Variants in PLEKHA8 observed in about 807,000 individuals in gnomAD.
The protein encoded by PLEKHA8 is pleckstrin homology domain-containing family A member 8.
In PLEKHA8, 36 loss-of-function variants were observed where a neutral mutation model predicts 68.2. That is an observed-to-expected ratio of 0.53 (90% confidence interval 0.40 to 0.70). The LOEUF is 0.70. PLEKHA8 is among the 30% of genes least tolerant of loss of function. The pLI, the probability that PLEKHA8 is intolerant of heterozygous loss-of-function variation, is 0.00. For missense variants in PLEKHA8, 505 were observed against 615.4 expected (o/e 0.82, Z 1.90); for synonymous variants, 211 against 216.1 (o/e 0.98, Z 0.20).
In PLEKHA8 at chr7:30,062,754, TTA is replaced by T. The variant is rs1793542631; in HGVS notation, c.1300+14_1300+15del. Reference sequence around the variant, plus strand: ...CCAGACAGCCCTAAGTAAGTGTTCTTTATGTTTTGTTGAATGAGTCAATAGAC... The same window carrying T: ...CCAGACAGCCCTAAGTAAGTGTTCTTTGTTTTGTTGAATGAGTCAATAGAC... On this transcript the variant is annotated intron_variant, in intron 12 of 13. Coordinates refer to ENST00000449726, the MANE Select transcript of PLEKHA8 (RefSeq NM_001197026.2). The T allele has an allele frequency of 1.2e-6, 2 of 1,601,308 alleles. No individual in the cohort carries two copies. Among genetic ancestry groups the T allele is most frequent in the South Asian group, 1.1e-5 (1 of 90,774 alleles).
chr7:30,083,539 T>C lies in PLEKHA8; in HGVS notation c.*4752T>C. On this transcript the variant is annotated 3_prime_UTR_variant, in exon 14 of 14. Coordinates refer to ENST00000449726, the MANE Select transcript of PLEKHA8 (RefSeq NM_001197026.2). ...TCATTGCACTGCTGCATTCAGGCAC[T>C]CCAGGGCATGATTAAACAGTCATTA... 1.0e-6 allele frequency: 1 copy of C among 985,384 alleles called. No individual in the cohort carries two copies. Among genetic ancestry groups the C allele is most frequent in the Non-Finnish European group, 1.2e-6 (1 of 829,916 alleles). The allele number at this position is 985,384 out of a possible 1,614,324, so 61.0% of individuals were successfully genotyped here.
intron 13 of PLEKHA8, among the ~76,000 whole-genome samples, chr7:30,109,586 CAAAAA>C (rs1166200858): frequency 2.4e-5 from 1 of 41,604 alleles, no homozygotes; most frequent in Non-Finnish European, 3.8e-5. Context: ...AACTCTGTCT[CAAAAA>C]AAAAAAAAAA....
intron 1 of PLEKHA8, among the ~76,000 whole-genome samples, chr7:30,041,457 TC>T (rs1332908301): frequency 7.0e-6 from 1 of 142,346 alleles, no homozygotes; most frequent in African/African-American, 2.6e-5. Flanking sequence ...GGTCTCACTC[TC>T]ACCCAGGCTG....
intron 9 of PLEKHA8, among the ~76,000 whole-genome samples, chr7:30,056,334 A>G (rs1054838333): frequency 7.7e-6 from 1 of 130,548 alleles, no homozygotes; most frequent in African/African-American, 2.9e-5. Context: ...ATATATATAA[A>G]TAACATATAT....
chr7:30,116,573 G>C (rs528678642), intron 13 of PLEKHA8, among the ~76,000 whole-genome samples: 10 of 152,238 alleles, frequency 6.6e-5, no homozygotes, highest in Admixed American at 4.6e-4. Flanking sequence ...ATAAAAAAGG[G>C]AATAGCTGCA....
Position 30,125,945 on chromosome 7 carries a change from A to G in PLEKHA8, c.1363-3321A>G, listed in dbSNP as rs141795614. 5.6e-4 allele frequency among the ~76,000 whole-genome samples: 85 copies of G among 152,194 alleles called. 2 individuals carry two copies. Among genetic ancestry groups the G allele is most frequent in the African/African-American group, 1.9e-3 (80 of 41,540 alleles). On this transcript the variant is annotated intron_variant, in intron 13 of 13. Transcript: ENST00000396257. ...TTTTATTTTTTGGAATGGCTTTATTATCTTTGGCATGCTACAGAAGCAACC... is the reference window on the plus strand; with the variant it reads ...TTTTATTTTTTGGAATGGCTTTATTGTCTTTGGCATGCTACAGAAGCAACC...
At chr7:30,044,884 T>A (rs576109605) in intron 1 of PLEKHA8, among the ~76,000 whole-genome samples, 3 of 152,306 alleles carry the variant, frequency 2.0e-5, no homozygotes, top group Admixed American at 6.5e-5. Context: ...AATATATACT[T>A]CTTTGGGCAT....
chr7:30,074,784 A>C (rs540762889), intron 13 of PLEKHA8, among the ~76,000 whole-genome samples: 1 of 152,226 alleles, frequency 6.6e-6, no homozygotes, highest in South Asian at 2.1e-4. Context: ...TTCATTGTGA[A>C]GGTGTTTTGT....
intron 1 of PLEKHA8, among the ~76,000 whole-genome samples, chr7:30,037,853 A>ATGTG (rs900774424): frequency 2.0e-4 from 30 of 151,980 alleles, no homozygotes; most frequent in African/African-American, 7.3e-4. Flanking sequence ...ACATAGATAA[A>ATGTG]TGTGTGCCAT....
intron 13 of PLEKHA8, among the ~76,000 whole-genome samples, chr7:30,102,360 T>A (rs1197854398): frequency 6.6e-6 from 1 of 152,230 alleles, no homozygotes; most frequent in Non-Finnish European, 1.5e-5. Flanking sequence ...GGAAGCACTT[T>A]AACAGTTCCT....
Position 30,028,493 on chromosome 7 carries a change from GCCCGGACCCGGGCCT to G in PLEKHA8, c.-267_-253del, listed in dbSNP as rs1790375818. 5.7e-6 allele frequency: 2 copies of G among 352,138 alleles called. No individual in the cohort carries two copies. Among genetic ancestry groups the G allele is most frequent in the Non-Finnish European group, 1.0e-5 (2 of 196,396 alleles). 21.8% of individuals were successfully genotyped at this position (352,138 alleles called of 1,614,324 possible). A position where few individuals can be genotyped will look rare whatever the true frequency, so the allele number is the denominator to read the frequency against. ...CGGCTGCCCCTCCGACCCACGTAGGGCCCGGACCCGGGCCTCCTTGTGAACAGCGTGCCGGCTTCG... is the reference window on the plus strand; with the variant it reads ...CGGCTGCCCCTCCGACCCACGTAGGGCCTTGTGAACAGCGTGCCGGCTTCG... On this transcript the variant is annotated 5_prime_UTR_variant, in exon 1 of 14. Transcript: ENST00000449726.
intron 1 of PLEKHA8, among the ~76,000 whole-genome samples, chr7:30,034,907 A>G (rs753648857): frequency 1.3e-5 from 2 of 152,266 alleles, no homozygotes; most frequent in East Asian, 1.9e-4. Context: ...TTGGTGTTAC[A>G]TTATCTTAGG....
chr7:30,098,737 T>C (rs1048158346), intron 13 of PLEKHA8, among the ~76,000 whole-genome samples: 1 of 152,228 alleles, frequency 6.6e-6, no homozygotes, highest in Non-Finnish European at 1.5e-5. Context: ...TGTCACCCCT[T>C]TCTTTGACTA....
intron 1 of PLEKHA8, among the ~76,000 whole-genome samples, chr7:30,029,451 C>CAGAT (rs1790484343): frequency 6.6e-6 from 1 of 152,204 alleles, no homozygotes; most frequent in African/African-American, 2.4e-5. Flanking sequence ...CCGTGCCTTA[C>CAGAT]AGATTGGCTT....
chr7:30,028,830 C>T, intron 1 of PLEKHA8, 28 bp downstream of exon 1: 1 of 1,253,440 alleles, frequency 8.0e-7, no homozygotes, highest in Non-Finnish European at 1.0e-6. Context: ...GCCGGGGGCG[C>T]GCCGGGGGCC....
chr7:30,100,240 A>G (rs762427061), intron 13 of PLEKHA8, among the ~76,000 whole-genome samples: 8 of 152,176 alleles, frequency 5.3e-5, no homozygotes, highest in Non-Finnish European at 1.2e-4. Flanking sequence ...CACAGGTACC[A>G]GAGATTAGGA....
At chr7:30,038,362 G>T (rs536928244) in intron 1 of PLEKHA8, among the ~76,000 whole-genome samples, 21 of 152,300 alleles carry the variant, frequency 1.4e-4, no homozygotes, top group African/African-American at 5.1e-4. Flanking sequence ...CTACAGATTA[G>T]TAACAGATGT....
chr7:30,037,465 T>C (rs1338401723), intron 1 of PLEKHA8, among the ~76,000 whole-genome samples: 2 of 152,176 alleles, frequency 1.3e-5, no homozygotes, highest in African/African-American at 4.8e-5. Context: ...AATCAGATTC[T>C]GGGAAAGATG....
At chr7:30,119,615 C>A (rs372363312) in intron 13 of PLEKHA8, among the ~76,000 whole-genome samples, 2 of 152,202 alleles carry the variant, frequency 1.3e-5, no homozygotes, top group African/African-American at 4.8e-5. Context: ...CACATTAATC[C>A]ACCAAACACC....
Sources: allele counts gnomAD v4.1 joint callset (sites outside exome capture counted in the v4.1 genomes callset), GRCh38; gene constraint gnomAD v4.1.1; transcripts MANE v1.5; gene names NCBI Gene and HGNC (gene_info 2026-07-23, HGNC 2026-07-21).